RAD52: variants seen among roughly 807,000 people sequenced by gnomAD.
RAD52 encodes the protein DNA repair protein RAD52 homolog.
A neutral mutation model predicts 55.5 loss-of-function variants in RAD52; 47 were observed. That is an observed-to-expected ratio of 0.85 (90% confidence interval 0.67 to 1.08). The LOEUF (loss-of-function observed/expected upper bound fraction) is 1.08, where lower values mean the gene tolerates loss of function less well. Among genes scored for constraint, RAD52 ranks in the 50% least tolerant of loss-of-function variants. The pLI is 0.00. For missense variants in RAD52, 468 were observed against 522.8 expected, an observed-to-expected ratio of 0.90 and a Z score of 1.02; for synonymous variants, 184 against 198.9, an observed-to-expected ratio of 0.92 and a Z score of 0.63.
At chr12:966,460 G>T (rs2154120977) in intron 1 of RAD52, among the ~76,000 whole-genome samples, 1 of 152,182 alleles carries the variant, frequency 6.6e-6, no homozygotes. Context: ...CTGGGCTCCT[G>T]ATAATACAAA....
chr12:920,417 GT>G lies in RAD52; in HGVS notation c.544-3598del, dbSNP rs1956658149. Among the ~76,000 whole-genome samples, 2 of 54,152 alleles carry G rather than the reference GT, an allele frequency of 3.7e-5. 1 individual carries two copies. The highest frequency in any genetic ancestry group is 1.6e-3 in the South Asian group (2 of 1,272). 35.5% of individuals were successfully genotyped at this position (54,152 alleles called of 152,430 possible). A position where few individuals can be genotyped will look rare whatever the true frequency, so the allele number is the denominator to read the frequency against. ...TAAAAATACAAAAAATTAGCCGGGC[GT>G]AGGTGGCGGGCGCCTGTAGTCCCAG... On this transcript the variant is annotated intron_variant, in intron 7 of 11. Coordinates refer to ENST00000358495, the MANE Select transcript of RAD52 (RefSeq NM_134424.4).
At chr12:980,203 T>A (rs545154819) in intron 1 of RAD52, among the ~76,000 whole-genome samples, 13 of 145,978 alleles carry the variant, frequency 8.9e-5, no homozygotes, top group African/African-American at 3.3e-4. Context: ...CAGCGGGGGG[T>A]GGAAGGGGAG....
At chr12:975,771 C>G (rs1420590208) in intron 1 of RAD52, 1 of 152,228 alleles carries the variant, frequency 6.6e-6, no homozygotes, top group Non-Finnish European at 1.5e-5. Context: ...TTCAACTCAA[C>G]CACCCCCAGT....
intron 1 of RAD52, among the ~76,000 whole-genome samples, chr12:956,705 C>T (rs1183403651): frequency 6.6e-6 from 1 of 152,188 alleles, no homozygotes; most frequent in Non-Finnish European, 1.5e-5. Context: ...CGCCACCACA[C>T]CTGGCTAATT....
chr12:984,742 G>GC, intron 1 of RAD52, among the ~76,000 whole-genome samples: 2 of 151,296 alleles, frequency 1.3e-5, no homozygotes, highest in East Asian at 3.9e-4. Flanking sequence ...TCGGCTCACT[G>GC]CAAGCTCCGC....
At chr12:947,892 A>C (rs1392223783) in intron 1 of RAD52, among the ~76,000 whole-genome samples, 1 of 150,180 alleles carries the variant, frequency 6.7e-6, no homozygotes, top group African/African-American at 2.5e-5. Context: ...ATCTCAAAAA[A>C]AAAAAAAAAA....
intron 7 of RAD52, among the ~76,000 whole-genome samples, chr12:924,449 A>C (rs763823563): frequency 3.3e-4 from 50 of 152,210 alleles, no homozygotes; most frequent in Non-Finnish European, 6.0e-4. Context: ...AACTGAATCC[A>C]ATAATGTTTA....
chr12:912,525 A>ATAT lies in RAD52; in HGVS notation c.*863_*865dup, dbSNP rs749983756. ...AGCATTTCAGATAAGCAATATATAT[A>ATAT]TATTCTATTTTGTTAATAAGGTATA... On this transcript the variant is annotated 3_prime_UTR_variant, in exon 12 of 12. Transcript: ENST00000358495. The ATAT allele has an allele frequency of 6.9e-6, 1 of 144,944 alleles. No individual in the cohort carries two copies. Among genetic ancestry groups the ATAT allele is most frequent in the East Asian group, 1.1e-4 (1 of 9,126 alleles). 9.0% of individuals were successfully genotyped at this position (144,944 alleles called of 1,614,324 possible).
intron 7 of RAD52, 115 bp from the exon 8 acceptor site, chr12:916,935 A>G: frequency 1.4e-6 from 2 of 1,414,362 alleles, no homozygotes; most frequent in Non-Finnish European, 1.9e-6. Flanking sequence ...TCCATCCATC[A>G]CGCCTTCTAG....
At chr12:953,571 A>G (rs1478522972), upstream of RAD52, among the ~76,000 whole-genome samples, 1 of 152,230 alleles carries the variant, frequency 6.6e-6, no homozygotes, top group African/African-American at 2.4e-5. Context: ...ATACATGAAC[A>G]TATCCACTGT....
At chr12:965,969 C>T (rs1202303337) in intron 1 of RAD52, among the ~76,000 whole-genome samples, 4 of 151,960 alleles carry the variant, frequency 2.6e-5, no homozygotes, top group African/African-American at 7.3e-5. Flanking sequence ...CAGGCATGAA[C>T]CACTGTGCCT....
In RAD52 at chr12:912,353, C is replaced by T. The variant is rs1711701570; in HGVS notation, c.*1038G>A. On this transcript the variant is annotated 3_prime_UTR_variant, in exon 12 of 12. Coordinates refer to ENST00000358495, the MANE Select transcript of RAD52 (RefSeq NM_134424.4). ...TTCAGCTGCAGTGTATCTTCTTATA[C>T]AAAAACTCTGTTTCATGCACAAAAT... The T allele has an allele frequency of 5.0e-6, 1 of 201,762 alleles. No individual in the cohort carries two copies. The highest frequency in any genetic ancestry group is 2.3e-5 in the African/African-American group (1 of 43,504). The allele number at this position is 201,762 out of a possible 1,614,324, so 12.5% of individuals were successfully genotyped here.
At chr12:916,963 G>T in intron 7 of RAD52, 143 bp from the exon 8 acceptor site, 1 of 1,107,138 alleles carries the variant, frequency 9.0e-7, no homozygotes, top group Non-Finnish European at 1.3e-6. Context: ...AACTCCATGA[G>T]CAGGAGGAGC....
At chr12:957,378 G>A (rs896074800) in intron 1 of RAD52, among the ~76,000 whole-genome samples, 5 of 147,438 alleles carry the variant, frequency 3.4e-5, no homozygotes, top group Non-Finnish European at 5.9e-5. Flanking sequence ...CAGGAGAATC[G>A]CTTAAGCCCG....
chr12:926,102 G>A, intron 6 of RAD52, among the ~76,000 whole-genome samples: 1 of 152,150 alleles, frequency 6.6e-6, no homozygotes, highest in South Asian at 2.1e-4. Flanking sequence ...CCTGGTGGGA[G>A]GTACTGGATC....
chr12:990,885 T>A (rs947591600), upstream of RAD52, among the ~76,000 whole-genome samples: 2 of 151,802 alleles, frequency 1.3e-5, no homozygotes, highest in African/African-American at 4.8e-5. Flanking sequence ...AGCGCCACCC[T>A]GCGCTCGCGG....
chr12:925,778 G>A (rs530208869), intron 6 of RAD52, among the ~76,000 whole-genome samples: 31 of 152,088 alleles, frequency 2.0e-4, no homozygotes, highest in Non-Finnish European at 2.9e-4. Flanking sequence ...AAAAGATTAC[G>A]GCGCCATTCA....
rs576543311 is a variant in RAD52 at position 982,028 on chromosome 12, C to T, written c.-19+7781G>A. On this transcript the variant is annotated intron_variant, in intron 1 of 11. Transcript: ENST00000430095. ...TTCTGGAACTGAGGAGACATCTTAG[C>T]TCCCCAGACCTGTATCTTCTGGGCC... Among the ~76,000 whole-genome samples, 271 of 152,292 alleles carry T rather than the reference C, an allele frequency of 1.8e-3. 1 individual carries two copies. Among genetic ancestry groups the T allele is most frequent in the African/African-American group, 5.3e-3 (221 of 41,554 alleles).
At chr12:939,477 A>C (rs1034082867) in intron 1 of RAD52, among the ~76,000 whole-genome samples, 1 of 152,140 alleles carries the variant, frequency 6.6e-6, no homozygotes, top group African/African-American at 2.4e-5. Flanking sequence ...AAAGGCTTCA[A>C]ATCTTTCAGG....
Sources: gnomAD v4.1 joint callset for allele counts (sites outside exome capture counted in the v4.1 genomes callset) on GRCh38, gnomAD v4.1.1 for gene constraint, MANE v1.5 for transcripts, NCBI Gene and HGNC (gene_info 2026-07-23, HGNC 2026-07-21) for gene names.